Variants in HJURP observed in about 807,000 individuals in gnomAD.
HJURP encodes Holliday junction recognition protein, also known as 14-3-3-associated AKT substrate.
Under a neutral mutation model 72.0 loss-of-function variants are expected in HJURP, and 49 were observed. The ratio of observed to expected loss-of-function variants is 0.68; its 90% confidence interval spans 0.54 to 0.86. HJURP has a LOEUF of 0.86. Among genes scored for constraint, HJURP ranks in the 40% least tolerant of loss-of-function variants. HJURP has a pLI of 0.00. For missense variants in HJURP, 908 were observed against 936.3 expected (o/e 0.97, Z 0.39); for synonymous variants, 357 against 347.1 (o/e 1.03, Z -0.32).
chr2:233,842,750 T>C (rs1705264313), intron 7 of HJURP, among the ~76,000 whole-genome samples: 2 of 152,230 alleles, frequency 1.3e-5, no homozygotes, highest in East Asian at 3.8e-4. Context: ...AAAGAGCTGC[T>C]TGGAAATTTT....
At chr2:233,853,799 TCA>T (rs1326273629) in intron 2 of HJURP, 43 bp downstream of exon 2, 1 of 1,502,026 alleles carries the variant, frequency 6.7e-7, no homozygotes, top group African/African-American at 1.4e-5. Flanking sequence ...ACTACTCCAT[TCA>T]CACTCTTCAC....
At position 233,837,285 on chromosome 2, in the gene HJURP, AAAAC is replaced by A. The variant is rs76861089; in HGVS notation, c.*288_*291del. The A allele has an allele frequency of 0.065, 18,282 of 283,250 alleles. 837 individuals carry two copies. Among genetic ancestry groups the A allele is most frequent in the East Asian group, 0.14 (1,695 of 12,438 alleles). 17.5% of individuals were successfully genotyped at this position (283,250 alleles called of 1,614,324 possible). ...TGGGCGATAGAGAGAGACTGTCTCA[AAAAC>A]AAACAAACAAACAAACAAACAAACA... On this transcript the variant is annotated 3_prime_UTR_variant, in exon 9 of 9. Transcript: ENST00000411486.
chr2:233,841,903 A>T lies in HJURP; in HGVS notation c.877T>A (p.Trp293Arg). Residue 293 changes from tryptophan to arginine, a missense_variant, in exon 8 of 9, where the codon TGG becomes AGG. Transcript: ENST00000411486. ...TATCTGTGCCTCCTCCTGGAGTTCCAGTTTTGCATGATGAACGTTTTGGTG... is the reference window on the plus strand; with the variant it reads ...TATCTGTGCCTCCTCCTGGAGTTCCTGTTTTGCATGATGAACGTTTTGGTG... ...ISTKTFIMQN[W>R]NSRRRHRYKS... is the part of the protein sequence containing the mutation. 1 of 1,614,156 alleles carries T rather than the reference A, an allele frequency of 6.2e-7. No individual in the cohort carries two copies.
intron 2 of HJURP, 91 bp from the exon 3 acceptor site, chr2:233,852,711 C>T: frequency 1.2e-6 from 1 of 841,976 alleles, no homozygotes; most frequent in East Asian, 2.6e-5. Flanking sequence ...AAGTGACAGG[C>T]AAAAAAAAGG....
At chr2:233,842,850 C>A (rs953388964) in intron 7 of HJURP, among the ~76,000 whole-genome samples, 1 of 152,168 alleles carries the variant, frequency 6.6e-6, no homozygotes, top group African/African-American at 2.4e-5. Context: ...CAGATGAGCA[C>A]GTGTTAACTC....
In HJURP at chr2:233,841,144, C is replaced by G. The variant is rs1289224571; in HGVS notation, c.1636G>C (p.Gly546Arg). Residue 546 changes from glycine to arginine, a missense_variant, in exon 8 of 9, where the codon GGA becomes CGA. By Grantham distance (125) the Gly-to-Arg change is moderately radical. Transcript: ENST00000411486. ...TTTCTAAATATTCCAGAACTATTTCCCTGAACGTGAAGGTCAGATGTCTGC... is the reference window on the plus strand; with the variant it reads ...TTTCTAAATATTCCAGAACTATTTCGCTGAACGTGAAGGTCAGATGTCTGC... ...PQQTSDLHVQ[G>R]NSSGIFRKSV... 6.2e-7 allele frequency: 1 copy of G among 1,614,014 alleles called. No individual in the cohort carries two copies. The highest frequency in any genetic ancestry group is 8.5e-7 in the Non-Finnish European group (1 of 1,180,034).
chr2:233,841,296 T>C lies in HJURP; in HGVS notation c.1484A>G (p.Lys495Arg). The C allele has an allele frequency of 6.2e-7, 1 of 1,614,132 alleles. No homozygotes were observed. Among genetic ancestry groups the C allele is most frequent in the Non-Finnish European group, 8.5e-7 (1 of 1,179,990 alleles). ...LSLPSSKAKA[K>R]SLSEAFENLG... ...GTTTTCAAAAGCCTCACTTAAACTT[T>C]TTGCTTTTGCTTTGCTGGAAGGTAA... Residue 495 changes from lysine to arginine, a missense_variant, in exon 8 of 9, where the codon AAA (lysine) becomes AGA (arginine). Physicochemically the swap from Lys to Arg is conservative, Grantham distance 26 (BLOSUM62 2). Around this residue, in one of 3 missense-constraint regions of HJURP, gnomAD observed 598 missense variants for 619.5 expected, o/e 0.97. Transcript: ENST00000411486.
At position 233,840,961 on chromosome 2, in the gene HJURP, C is replaced by T; in HGVS notation, c.1819G>A (p.Val607Met). Residue 607 changes from valine (V) to methionine (M), a missense_variant, in exon 8 of 9, where the codon GTG (valine) becomes ATG (methionine). Val to Met is a conservative substitution (Grantham distance 21). Transcript: ENST00000411486. ...TCCATACTTGCTTTATCTGTAGACA[C>T]TCCAATACATAAAGGCACTGTCATC... ...GQMTVPLCIG[V>M]STDKASMEVR... is the part of the protein sequence containing the mutation. 6.2e-7 allele frequency: 1 copy of T among 1,614,168 alleles called. No individual in the cohort carries two copies. The highest frequency in any genetic ancestry group is 8.5e-7 in the Non-Finnish European group (1 of 1,180,024).
In HJURP at chr2:233,841,030, A is replaced by G. The variant is rs372747178; in HGVS notation, c.1750T>C (p.Phe584Leu). 14 of 1,614,080 alleles carry G rather than the reference A, an allele frequency of 8.7e-6. No individual in the cohort carries two copies. The highest frequency in any genetic ancestry group is 1.2e-5 in the Non-Finnish European group (14 of 1,180,056). Residue 584 changes from phenylalanine (F) to leucine (L), a missense_variant, in exon 8 of 9, where the codon TTT becomes CTT. Around this residue, in one of 3 missense-constraint regions of HJURP, gnomAD observed 598 missense variants for 619.5 expected, o/e 0.97. Transcript: ENST00000411486. ...CAATACTTTTGATGAAGCTTGTCAA[A>G]TTCTTCTTTAATTTCATCGTAACGA... ...RNRYDEIKEE[F>L]DKLHQKYCLK... is the part of the protein sequence containing the mutation.
rs772788791 is a variant in HJURP at position 233,837,641 on chromosome 2, G to A, written c.2183C>T (p.Thr728Met). 63 of 1,603,886 alleles carry A rather than the reference G, an allele frequency of 3.9e-5. No individual in the cohort carries two copies. Among genetic ancestry groups the A allele is most frequent in the Admixed American group, 1.8e-4 (11 of 59,478 alleles). ...QPNSEERGEN[T>M]SYRMEEKSDF... ...ACTTTTCTCTTCCATCCTGTAAGAC[G>A]TGTTCTCTCCTCTAGGAAAAAAAAA... Residue 728 changes from threonine to methionine, a missense_variant, in exon 9 of 9, where the codon ACG becomes ATG. Physicochemically the swap from Thr to Met is moderately conservative, Grantham distance 81. Coordinates refer to ENST00000411486, the MANE Select transcript of HJURP (RefSeq NM_018410.5).
intron 2 of HJURP, among the ~76,000 whole-genome samples, chr2:233,853,482 G>A (rs1206190334): frequency 6.6e-6 from 1 of 152,200 alleles, no homozygotes; most frequent in Non-Finnish European, 1.5e-5. Flanking sequence ...CATAGGGATT[G>A]TACGTGACTG....
rs768480258 is a variant in HJURP at position 233,845,774 on chromosome 2, T to C, written c.449A>G (p.Tyr150Cys). The change falls in exon 6 of 9, where the codon TAC becomes TGC. Residue 150 changes from tyrosine (Y) to cysteine (C), a missense_variant. Tyr to Cys is a radical substitution (Grantham distance 194, BLOSUM62 -2). Coordinates refer to ENST00000411486, the MANE Select transcript of HJURP (RefSeq NM_018410.5). ...TAGCAGTATATCCACTTGGGTCAAGTATTTCCTTCTTAATTCATTTTTCAA... is the reference window on the plus strand; with the variant it reads ...TAGCAGTATATCCACTTGGGTCAAGCATTTCCTTCTTAATTCATTTTTCAA... The part of the protein sequence containing the change: ...SPLKNELRRK[Y>C]LTQVDILLQG... 6.2e-7 allele frequency: 1 copy of C among 1,613,524 alleles called. No homozygotes were observed. The highest frequency in any genetic ancestry group is 1.1e-5 in the South Asian group (1 of 91,068).
At chr2:233,850,919 C>G (rs774277721) in intron 3 of HJURP, among the ~76,000 whole-genome samples, 2 of 152,196 alleles carry the variant, frequency 1.3e-5, no homozygotes, top group Non-Finnish European at 2.9e-5. Context: ...CCACAGCCTC[C>G]CCCAGCCTCC....
intron 3 of HJURP, among the ~76,000 whole-genome samples, chr2:233,851,723 G>A (rs549460651): frequency 6.6e-6 from 1 of 152,206 alleles, no homozygotes; most frequent in African/African-American, 2.4e-5. Flanking sequence ...AATAGCATTA[G>A]TGACCATCTT....
At chr2:233,850,740 C>T (rs1705477669) in intron 3 of HJURP, among the ~76,000 whole-genome samples, 1 of 152,144 alleles carries the variant, frequency 6.6e-6, no homozygotes, top group Admixed American at 6.5e-5. Flanking sequence ...GTGGAGTTTA[C>T]AGGGTTGTTT....
At position 233,837,630 on chromosome 2, in the gene HJURP, T is replaced by C; in HGVS notation, c.2194A>G (p.Met732Val). 6.2e-7 allele frequency: 1 copy of C among 1,609,846 alleles called. No homozygotes were observed. The highest frequency in any genetic ancestry group is 8.5e-7 in the Non-Finnish European group (1 of 1,177,144). ...EERGENTSYR[M>V]EEKSDFMLEK... is the part of the protein sequence containing the mutation. ...AGCATGAAATCACTTTTCTCTTCCA[T>C]CCTGTAAGACGTGTTCTCTCCTCTA... The change falls in exon 9 of 9, where the codon ATG (methionine) becomes GTG (valine). Residue 732 changes from methionine to valine, a missense_variant. Met to Val is a conservative substitution (Grantham distance 21). Transcript: ENST00000411486.
chr2:233,837,765 C>T (rs933535779), intron 8 of HJURP, 113 bp from the exon 9 acceptor site: 107 of 700,728 alleles, frequency 1.5e-4, no homozygotes, highest in Non-Finnish European at 1.5e-5. Context: ...TATAAAAATA[C>T]TTATAGAAAG....
chr2:233,841,049 G>T lies in HJURP; in HGVS notation c.1731C>A (p.Tyr577Ter). 1.2e-6 allele frequency: 2 copies of T among 1,614,100 alleles called. No individual in the cohort carries two copies. Among genetic ancestry groups the T allele is most frequent in the Non-Finnish European group, 8.5e-7 (1 of 1,180,012 alleles). ...TGTCAAATTCTTCTTTAATTTCATC[G>T]TAACGATTCCTTCCGTGGCCTGGCA... is the stretch of plus-strand genomic sequence containing the variant. ...KEVPGHGRNR[Y>*]DEIKEEFDKL... Residue 577 changes from tyrosine (Y) to a stop codon, truncating the protein, a stop_gained, in exon 8 of 9, where the codon TAC becomes TAA. Transcript: ENST00000411486. LOFTEE classifies it high-confidence loss of function.
At chr2:233,853,102 CT>C (rs1249214352) in intron 2 of HJURP, among the ~76,000 whole-genome samples, 11 of 152,198 alleles carry the variant, frequency 7.2e-5, no homozygotes, top group Non-Finnish European at 1.5e-4. Flanking sequence ...CAAGATGTGT[CT>C]GGATTGGCTA....
Sources: gnomAD v4.1 joint callset for allele counts (sites outside exome capture counted in the v4.1 genomes callset) on GRCh38, gnomAD v4.1.1 for gene constraint, gnomAD v4.1.1 regional missense constraint, MANE v1.5 for transcripts, NCBI Gene and HGNC (gene_info 2026-07-23, HGNC 2026-07-21) for gene names.